The following COA1 variants were observed in gnomAD, a reference collection of about 807,000 sequenced individuals.
COA1 encodes cytochrome c oxidase assembly factor 1.
Under a neutral mutation model 16.0 loss-of-function variants are expected in COA1, and 13 were observed. The ratio of observed to expected loss-of-function variants is 0.81; its 90% CI spans 0.53 to 1.29. The LOEUF is 1.29. Among genes scored for constraint, COA1 ranks in the 50% most tolerant of loss-of-function variants. COA1 has a pLI of 0.00. For synonymous variants in COA1, 65 were observed against 65.7 expected, an observed-to-expected ratio of 0.99 and a Z score of 0.05; for missense variants, 179 against 177.0, an observed-to-expected ratio of 1.01 and a Z score of -0.06.
At chr7:43,608,521 G>T in exon 7 of COA1, 1 of 1,215,938 alleles carries the variant, frequency 8.2e-7, no homozygotes, top group Non-Finnish European at 1.1e-6. Context: ...AAGGATATTA[G>T]AATTGAGTCT....
intron 1 of COA1, among the ~76,000 whole-genome samples, chr7:43,686,385 C>A (rs2094030751): frequency 6.7e-6 from 1 of 149,746 alleles, no homozygotes; most frequent in Non-Finnish European, 1.5e-5. Flanking sequence ...CCGCTCACTG[C>A]AAGCTCCGCC....
chr7:43,623,548 G>C, intron 6 of COA1: 1 of 1,600,332 alleles, frequency 6.2e-7, no homozygotes, highest in Non-Finnish European at 8.5e-7. Context: ...AAAACTAAAT[G>C]TTTTCTTCTC....
intron 1 of COA1, among the ~76,000 whole-genome samples, chr7:43,666,552 A>G (rs2092904620): frequency 6.6e-6 from 1 of 152,250 alleles, no homozygotes; most frequent in African/African-American, 2.4e-5. Context: ...ATAAGCACTT[A>G]AATATTTTTT....
At chr7:43,658,605 C>A (rs1399456186) in intron 1 of COA1, 4 of 152,184 alleles carry the variant, frequency 2.6e-5, no homozygotes, top group African/African-American at 9.7e-5. Context: ...TAATTTCACT[C>A]CTACCTCTCG....
At chr7:43,704,987 A>G (rs2131523732) in intron 1 of COA1, among the ~76,000 whole-genome samples, 1 of 152,154 alleles carries the variant, frequency 6.6e-6, no homozygotes, top group Non-Finnish European at 1.5e-5. Context: ...CTTGCTTTTT[A>G]TATTCTTTGA....
At chr7:43,659,906 A>ACT (rs1563288271) in intron 1 of COA1, among the ~76,000 whole-genome samples, 2 of 151,824 alleles carry the variant, frequency 1.3e-5, no homozygotes. Context: ...TTAATATGAG[A>ACT]TTTTCAGGGT....
At chr7:43,695,403 T>A (rs748095836) in intron 1 of COA1, among the ~76,000 whole-genome samples, 4 of 152,098 alleles carry the variant, frequency 2.6e-5, no homozygotes, top group Admixed American at 2.0e-4. Context: ...TTATTTGGTA[T>A]TCTCTCTGCC....
chr7:43,613,569 G>A (rs2083071492), intron 6 of COA1, among the ~76,000 whole-genome samples: 1 of 152,154 alleles, frequency 6.6e-6, no homozygotes, highest in Non-Finnish European at 1.5e-5. Flanking sequence ...AAGGCCAGGT[G>A]TGGTGGCTCA....
chr7:43,695,169 TCAACAGAG>T (rs1206959317), intron 1 of COA1, among the ~76,000 whole-genome samples: 1 of 150,768 alleles, frequency 6.6e-6, no homozygotes, highest in Non-Finnish European at 1.5e-5. Context: ...CAGTCCCCTC[TCAACAGAG>T]CAACTAGTGT....
chr7:43,702,816 T>C (rs918693269), intron 1 of COA1, among the ~76,000 whole-genome samples: 2 of 152,260 alleles, frequency 1.3e-5, no homozygotes, highest in Non-Finnish European at 2.9e-5. Flanking sequence ...TTTGGTTTCG[T>C]TGGTCTTTTG....
chr7:43,709,456 G>GTGTA (rs2095135511), intron 1 of COA1, among the ~76,000 whole-genome samples: 1 of 151,908 alleles, frequency 6.6e-6, no homozygotes, highest in Non-Finnish European at 1.5e-5. Flanking sequence ...GTGTGTGTGT[G>GTGTA]TGTGTGTGTG....
intron 1 of COA1, among the ~76,000 whole-genome samples, chr7:43,729,011 GTAT>G (rs551822992): frequency 1.6e-3 from 242 of 152,328 alleles, no homozygotes; most frequent in Middle Eastern, 3.4e-3. Flanking sequence ...GGGACAAAAA[GTAT>G]TATAACCACT....
chr7:43,651,503 C>G (rs1289657813), intron 1 of COA1, among the ~76,000 whole-genome samples: 2 of 152,108 alleles, frequency 1.3e-5, no homozygotes, highest in Admixed American at 6.5e-5. Context: ...GCTGCTCAAG[C>G]TGGCACAGGC....
At chr7:43,719,694 T>A (rs899449401) in intron 1 of COA1, among the ~76,000 whole-genome samples, 2 of 152,232 alleles carry the variant, frequency 1.3e-5, no homozygotes, top group Non-Finnish European at 2.9e-5. Flanking sequence ...GATGGCTTCC[T>A]GACTACTATG....
At chr7:43,647,348 C>T (rs1306778916) in intron 3 of COA1, 187 bp downstream of exon 3, 4 of 605,028 alleles carry the variant, frequency 6.6e-6, no homozygotes, top group Non-Finnish European at 1.2e-5. Flanking sequence ...GTACTCGTTG[C>T]TCCTGGAAAA....
At chr7:43,720,219 A>C (rs1416685612) in intron 1 of COA1, among the ~76,000 whole-genome samples, 1 of 152,030 alleles carries the variant, frequency 6.6e-6, no homozygotes, top group African/African-American at 2.4e-5. Context: ...GAAAGATTGC[A>C]GTGAGCCAAG....
At chr7:43,615,435 C>G (rs2083257554) in intron 6 of COA1, among the ~76,000 whole-genome samples, 1 of 152,156 alleles carries the variant, frequency 6.6e-6, no homozygotes, top group Admixed American at 6.5e-5. Flanking sequence ...CCTCGGCCTC[C>G]CAAATTGCTG....
At chr7:43,712,053 A>AT (rs1455038544) in intron 1 of COA1, among the ~76,000 whole-genome samples, 1 of 151,878 alleles carries the variant, frequency 6.6e-6, no homozygotes, top group African/African-American at 2.4e-5. Flanking sequence ...TATTATCCTG[A>AT]TTTAATCATT....
At chr7:43,729,225 G>C (rs1039807602) in intron 1 of COA1, among the ~76,000 whole-genome samples, 2 of 152,224 alleles carry the variant, frequency 1.3e-5, no homozygotes, top group African/African-American at 2.4e-5. Context: ...CCGAGCGGAC[G>C]GAGCCACTGA....
Sources: allele counts gnomAD v4.1 joint callset (sites outside exome capture counted in the v4.1 genomes callset), GRCh38; gene constraint gnomAD v4.1.1; transcripts MANE v1.5; gene names NCBI Gene and HGNC (gene_info 2026-07-23, HGNC 2026-07-21).